Variants in CUBN observed in about 807,000 individuals in gnomAD.
The protein encoded by CUBN is 460 kDa receptor.
A neutral mutation model predicts 405.3 loss-of-function variants in CUBN; 282 were observed. The observed-to-expected ratio is 0.70, with a 90% CI of 0.63 to 0.77. The LOEUF (loss-of-function observed/expected upper bound fraction) is 0.77, where lower values mean the gene tolerates loss of function less well. CUBN is among the 30% of genes least tolerant of loss of function. CUBN has a pLI of 0.00. For synonymous variants in CUBN, 1,684 were observed against 1,617.0 expected, an observed-to-expected ratio of 1.04 and a Z score of -0.99; for missense variants, 4,514 against 4,475.2, an observed-to-expected ratio of 1.01 and a Z score of -0.25.
rs1333397199 is a variant in CUBN, at chr10:16,940,313, AG to A, written c.5343-77del. On this transcript the variant is annotated intron_variant, in intron 36 of 66. Coordinates refer to ENST00000377833, the MANE Select transcript of CUBN (RefSeq NM_001081.4). ...TTGGGATTCTCCCGGATCACATGCT[AG>A]GTTAACCCGTTCACTTTTTTAAACT... The A allele has an allele frequency of 8.4e-6, 11 of 1,316,854 alleles. No homozygotes were observed. The African/African-American group carries it at 8.7e-5, about 10-fold the overall frequency. The allele number at this position is 1,316,854 out of a possible 1,614,324, so 81.6% of individuals were successfully genotyped here.
At chr10:16,865,182 C>T (rs536024150) in intron 59 of CUBN, among the ~76,000 whole-genome samples, 2 of 151,680 alleles carry the variant, frequency 1.3e-5, no homozygotes, top group East Asian at 1.9e-4. Context: ...GTAGGCCAGG[C>T]TGGTCTTGGA....
chr10:16,928,388 C>A, intron 40 of CUBN, 85 bp from the exon 41 acceptor site: 1 of 1,460,138 alleles, frequency 6.8e-7, no homozygotes. Context: ...AAGCAGCTCA[C>A]ACATTTTTCT....
intron 62 of CUBN, 85 bp from the exon 63 acceptor site, chr10:16,836,467 CA>C (rs998723095): frequency 3.9e-6 from 5 of 1,275,688 alleles, no homozygotes; most frequent in Non-Finnish European, 5.7e-6. Context: ...CATATAAAAG[CA>C]TGGTGTAAAT....
chr10:17,015,222 T>C (rs966823479), intron 28 of CUBN, among the ~76,000 whole-genome samples: 2 of 152,224 alleles, frequency 1.3e-5, no homozygotes, highest in African/African-American at 4.8e-5. Context: ...GTGGGGTCTT[T>C]TAGCCTGATT....
chr10:16,873,731 A>G (rs1027400739), intron 58 of CUBN, among the ~76,000 whole-genome samples: 3 of 151,764 alleles, frequency 2.0e-5, no homozygotes, highest in African/African-American at 7.3e-5. Context: ...CAAAAAAAAA[A>G]AAAAAAGAAA....
chr10:16,947,515 A>C (rs1842819706), intron 35 of CUBN, 148 bp from the exon 36 acceptor site: 1 of 926,258 alleles, frequency 1.1e-6, no homozygotes, highest in East Asian at 2.6e-5. Flanking sequence ...ATGTCATATA[A>C]AATAAGGGAA....
chr10:17,103,698 T>C (rs1310026216), intron 12 of CUBN, among the ~76,000 whole-genome samples: 1 of 152,206 alleles, frequency 6.6e-6, no homozygotes, highest in Non-Finnish European at 1.5e-5. Flanking sequence ...TCTCAATAAA[T>C]GTGTTGATTC....
chr10:16,938,836 TA>T, intron 38 of CUBN, 126 bp downstream of exon 38: 1 of 825,984 alleles, frequency 1.2e-6, no homozygotes, highest in Non-Finnish European at 2.0e-6. Context: ...CAGTCTGCTC[TA>T]AACATGATTT....
chr10:16,873,985 G>A (rs913614683), intron 58 of CUBN, among the ~76,000 whole-genome samples: 11 of 152,026 alleles, frequency 7.2e-5, no homozygotes, highest in African/African-American at 2.7e-4. Flanking sequence ...AGACAATTAC[G>A]GCACGTGTGA....
intron 65 of CUBN, 59 bp from the exon 66 acceptor site, chr10:16,829,099 C>CTTGT (rs1349154505): frequency 1.6e-6 from 2 of 1,282,944 alleles, no homozygotes; most frequent in African/African-American, 2.9e-5. Flanking sequence ...TCCAGTCTGG[C>CTTGT]TTGTTAGGCA....
intron 35 of CUBN, among the ~76,000 whole-genome samples, chr10:16,947,933 G>A (rs1159836649): frequency 1.3e-5 from 2 of 152,214 alleles, no homozygotes; most frequent in African/African-American, 2.4e-5. Context: ...ACACCAGGGT[G>A]AGCGAGGTGG....
At chr10:16,918,533 C>T (rs1349838969) in intron 45 of CUBN, 89 bp downstream of exon 45, 5 of 1,011,302 alleles carry the variant, frequency 4.9e-6, no homozygotes. Context: ...ATAATCTCTA[C>T]AACAAACCCC....
In CUBN at chr10:16,888,623, T is replaced by C. The variant is rs1840894189; in HGVS notation, c.8756-57A>G. The C allele has an allele frequency of 1.1e-5, 17 of 1,522,512 alleles. 2 individuals carry two copies. In the South Asian group the frequency reaches 1.9e-4, roughly 17 times the overall value. 94.3% of individuals were successfully genotyped at this position (1,522,512 alleles called of 1,614,324 possible). A position where few individuals can be genotyped will look rare whatever the true frequency, so the allele number is the denominator to read the frequency against. On this transcript the variant is annotated intron_variant, in intron 55 of 66. Transcript: ENST00000377833. ...ATTTATTTCTCGTGTATCTATTTTG[T>C]CCATGAAGGAAAGAGGCATTTTCCT...
rs1243124177 is a variant in CUBN, at chr10:16,925,288, C to G, written c.6599G>C (p.Ser2200Thr). 6.2e-7 allele frequency: 1 copy of G among 1,613,740 alleles called. No homozygotes were observed. Residue 2200 changes from serine to threonine, a missense_variant, in exon 43 of 67, where the codon AGT becomes ACT. Around this residue, in one of 5 missense-constraint regions of CUBN, gnomAD observed 1,613 missense variants for 1,542.8 expected, o/e 1.05. Coordinates refer to ENST00000377833, the MANE Select transcript of CUBN (RefSeq NM_001081.4). Reference protein sequence around the residue: ...QMFVQFISDHSNEGQGFKIKY... With the variant: ...QMFVQFISDHTNEGQGFKIKY... ...GATTTTAAATCCTTGCCCTTCATTA[C>G]TGTGATCAGAAATAAACTGAACAAA...
At chr10:17,115,714 G>T in intron 6 of CUBN, 117 bp from the exon 7 acceptor site, 1 of 1,307,286 alleles carries the variant, frequency 7.6e-7, no homozygotes, top group Non-Finnish European at 1.1e-6. Context: ...ACTTGGAATC[G>T]TCAGCCAGCA....
chr10:17,110,540 T>A (rs1257874818), intron 9 of CUBN, among the ~76,000 whole-genome samples: 1 of 152,212 alleles, frequency 6.6e-6, no homozygotes, highest in East Asian at 1.9e-4. Context: ...TATTTTTTAT[T>A]TTTTTAAGAC....
In CUBN at chr10:16,939,103, A is replaced by T; in HGVS notation, c.5593T>A (p.Ser1865Thr). 6.2e-7 allele frequency: 1 copy of T among 1,613,990 alleles called. No individual in the cohort carries two copies. The highest frequency in any genetic ancestry group is 1.1e-5 in the South Asian group (1 of 91,068). Residue 1865 changes from serine to threonine, a missense_variant, in exon 38 of 67, where the codon TCT (serine) becomes ACT (threonine). Around this residue, in one of 5 missense-constraint regions of CUBN, gnomAD observed 1,613 missense variants for 1,542.8 expected, o/e 1.05. Transcript: ENST00000377833. ...GGGTAGTTTTCAGGCCAGAAAGGAG[A>T]GGCGACTTTCCCATGAGTTCCCACA... ...NIVGTHGKVA[S>T]PFWPENYPHN...
intron 58 of CUBN, among the ~76,000 whole-genome samples, chr10:16,872,251 T>C (rs1259985117): frequency 6.6e-6 from 1 of 151,446 alleles, no homozygotes; most frequent in African/African-American, 2.4e-5. Flanking sequence ...AATAAATAAA[T>C]AAGTAAAATA....
intron 53 of CUBN, 35 bp from the exon 54 acceptor site, chr10:16,899,218 C>G (rs1463371460): frequency 6.4e-7 from 1 of 1,560,572 alleles, no homozygotes; most frequent in South Asian, 1.1e-5. Flanking sequence ...CATCAATCAG[C>G]AAGGAAAGTA....
Sources: allele counts gnomAD v4.1 joint callset (sites outside exome capture counted in the v4.1 genomes callset), GRCh38; gene constraint gnomAD v4.1.1; regional missense constraint gnomAD v4.1.1; transcripts MANE v1.5; gene names NCBI Gene and HGNC (gene_info 2026-07-23, HGNC 2026-07-21).